Variants in SOX6 observed in about 807,000 individuals in gnomAD.
The protein encoded by SOX6 is SRY-box transcription factor 6.
Under a neutral mutation model 97.8 loss-of-function variants are expected in SOX6, and 11 were observed. The ratio of observed to expected loss-of-function variants is 0.11; its 90% CI spans 0.07 to 0.19. The LOEUF is 0.19. Among genes scored for constraint, SOX6 ranks in the 10% least tolerant of loss-of-function variants. SOX6 has a pLI of 1.00. For missense variants in SOX6, 810 were observed against 1,039.5 expected, an observed-to-expected ratio of 0.78 and a Z score of 3.04; for synonymous variants, 360 against 371.4, an observed-to-expected ratio of 0.97 and a Z score of 0.35.
At chr11:16,139,219 A>G (rs1850061827) in intron 6 of SOX6, among the ~76,000 whole-genome samples, 1 of 151,918 alleles carries the variant, frequency 6.6e-6, no homozygotes, top group African/African-American at 2.4e-5. Context: ...ACATTTTCCT[A>G]AGTACTGTGT....
At chr11:16,443,060 A>G (rs1859535981) in intron 1 of SOX6, among the ~76,000 whole-genome samples, 1 of 152,132 alleles carries the variant, frequency 6.6e-6, no homozygotes. Flanking sequence ...GTCCCTTTTA[A>G]TGTCTGGTGC....
intron 3 of SOX6, among the ~76,000 whole-genome samples, chr11:16,278,172 T>C (rs1854452788): frequency 6.6e-6 from 1 of 152,192 alleles, no homozygotes; most frequent in Non-Finnish European, 1.5e-5. Context: ...TTGCTACTAC[T>C]ATTTAGCCTA....
At chr11:16,338,425 G>GT (rs893035818) in intron 2 of SOX6, among the ~76,000 whole-genome samples, 29 of 151,692 alleles carry the variant, frequency 1.9e-4, no homozygotes, top group African/African-American at 5.1e-4. Flanking sequence ...TCCTTCTATT[G>GT]TTTTTTTTCC....
intron 3 of SOX6, among the ~76,000 whole-genome samples, chr11:16,629,565 T>C (rs1742122355): frequency 6.6e-6 from 1 of 152,192 alleles, no homozygotes; most frequent in African/African-American, 2.4e-5. Flanking sequence ...ATTTTTTCAT[T>C]GTGACTTTGC....
rs149839018 is a variant in SOX6, at chr11:16,559,872, TC to T, written n.609+52208del. 3.1e-3 allele frequency among the ~76,000 whole-genome samples: 475 copies of T among 152,264 alleles called. 4 individuals carry two copies. The highest frequency in any genetic ancestry group is 0.011 in the African/African-American group (448 of 41,568). On this transcript the variant is annotated intron_variant and non_coding_transcript_variant, in intron 4 of 5. Coordinates refer to the SOX6 transcript ENST00000524520. Reference sequence around the variant, plus strand: ...ATATTCACTTTTGAACCCCTGATTTTCCTAGCATATTAATGCACTATTCAAA... The same window carrying T: ...ATATTCACTTTTGAACCCCTGATTTTCTAGCATATTAATGCACTATTCAAA...
At chr11:16,599,661 T>C (rs1848247323) in intron 4 of SOX6, among the ~76,000 whole-genome samples, 2 of 152,194 alleles carry the variant, frequency 1.3e-5, no homozygotes, top group African/African-American at 4.8e-5. Flanking sequence ...AGGATTTTTT[T>C]CCAATATATG....
At chr11:16,491,301 A>T (rs1860507388) in intron 4 of SOX6, among the ~76,000 whole-genome samples, 1 of 152,186 alleles carries the variant, frequency 6.6e-6, no homozygotes, top group Admixed American at 6.5e-5. Flanking sequence ...AATATCAAAT[A>T]CCTAGGTAAG....
chr11:16,208,006 C>T (rs986015335), intron 4 of SOX6, among the ~76,000 whole-genome samples: 4 of 152,138 alleles, frequency 2.6e-5, no homozygotes, highest in Admixed American at 2.6e-4. Context: ...ATATTTCTTG[C>T]TCAAGGCTAA....
At chr11:16,491,741 A>T (rs1228088851) in intron 4 of SOX6, among the ~76,000 whole-genome samples, 2 of 152,200 alleles carry the variant, frequency 1.3e-5, no homozygotes, top group African/African-American at 4.8e-5. Context: ...GCACAGAAAA[A>T]GGAATAAAAA....
chr11:16,301,893 TG>T (rs1428115413), intron 3 of SOX6, among the ~76,000 whole-genome samples: 4 of 152,194 alleles, frequency 2.6e-5, no homozygotes, highest in Admixed American at 2.6e-4. Flanking sequence ...TCCACCTTCA[TG>T]GAATACTCAA....
chr11:16,554,302 G>C (rs2133187191), intron 4 of SOX6, among the ~76,000 whole-genome samples: 1 of 152,184 alleles, frequency 6.6e-6, no homozygotes, highest in South Asian at 2.1e-4. Context: ...ATTAGTCTGG[G>C]AGGGCAATGC....
At chr11:16,254,514 A>G (rs986243130) in intron 3 of SOX6, among the ~76,000 whole-genome samples, 6 of 152,218 alleles carry the variant, frequency 3.9e-5, no homozygotes, top group Middle Eastern at 3.4e-3. Flanking sequence ...TTTTGTTATT[A>G]TGAGGTACCT....
chr11:16,516,473 C>G (rs917644828), intron 4 of SOX6, among the ~76,000 whole-genome samples: 1 of 151,632 alleles, frequency 6.6e-6, no homozygotes, highest in African/African-American at 2.4e-5. Context: ...CAAATAGACG[C>G]AATAAAAAAT....
chr11:16,381,349 C>T (rs1055532929), intron 1 of SOX6, among the ~76,000 whole-genome samples: 11 of 151,928 alleles, frequency 7.2e-5, no homozygotes, highest in Middle Eastern at 3.4e-3. Flanking sequence ...AACTAATCAC[C>T]CAGTTGCACT....
intron 1 of SOX6, among the ~76,000 whole-genome samples, chr11:16,370,364 C>T (rs1188772633): frequency 5.3e-5 from 8 of 152,112 alleles, no homozygotes; most frequent in African/African-American, 1.9e-4. Flanking sequence ...CTAGACATGG[C>T]TATATCTGGT....
intron 15 of SOX6, among the ~76,000 whole-genome samples, chr11:15,980,691 C>G (rs1451352270): frequency 6.6e-6 from 1 of 151,982 alleles, no homozygotes; most frequent in African/African-American, 2.4e-5. Context: ...TATGCTAAAG[C>G]AGGAATCTAC....
At chr11:16,399,518 G>C (rs1044669532) in intron 1 of SOX6, among the ~76,000 whole-genome samples, 7 of 151,198 alleles carry the variant, frequency 4.6e-5, no homozygotes, top group Non-Finnish European at 1.0e-4. Context: ...GAAAATATAA[G>C]CCATATACAG....
intron 2 of SOX6, among the ~76,000 whole-genome samples, chr11:16,735,230 G>A (rs977058372): frequency 5.3e-5 from 8 of 152,098 alleles, no homozygotes; most frequent in African/African-American, 7.2e-5. Context: ...TTCACAGCCC[G>A]GCTTTGATCA....
chr11:16,434,963 G>A (rs1565144846), intron 1 of SOX6, among the ~76,000 whole-genome samples: 1 of 151,970 alleles, frequency 6.6e-6, no homozygotes, highest in Non-Finnish European at 1.5e-5. Flanking sequence ...TATTTAACCA[G>A]CTGACATAAG....
Sources: allele counts gnomAD v4.1 joint callset (sites outside exome capture counted in the v4.1 genomes callset), GRCh38; gene constraint gnomAD v4.1.1; transcripts MANE v1.5; gene names NCBI Gene and HGNC (gene_info 2026-07-23, HGNC 2026-07-21).